The following PLA2G4A variants were observed in gnomAD, a reference collection of about 807,000 sequenced individuals.
PLA2G4A encodes cytosolic phospholipase A2.
A neutral mutation model predicts 81.9 loss-of-function variants in PLA2G4A; 40 were observed. The observed-to-expected ratio is 0.49, with a 90% confidence interval of 0.38 to 0.64. PLA2G4A has a LOEUF of 0.64. PLA2G4A is among the 30% of genes least tolerant of loss of function. PLA2G4A has a pLI of 0.00. For missense variants in PLA2G4A, 715 were observed against 905.1 expected, an observed-to-expected ratio of 0.79 and a Z score of 2.69; for synonymous variants, 302 against 296.9, an observed-to-expected ratio of 1.02 and a Z score of -0.18.
intron 14 of PLA2G4A, among the ~76,000 whole-genome samples, chr1:186,956,951 G>A (rs1216851931): frequency 1.3e-5 from 2 of 152,050 alleles, no homozygotes; most frequent in East Asian, 1.9e-4. Context: ...CACTTTGGGA[G>A]GCCGAGACTG....
chr1:186,883,438 A>G (rs1440563721), intron 3 of PLA2G4A, among the ~76,000 whole-genome samples: 2 of 152,132 alleles, frequency 1.3e-5, no homozygotes, highest in African/African-American at 2.4e-5. Context: ...TAACTAGACT[A>G]CACAATTAAT....
chr1:186,843,820 A>G (rs1652073425), intron 1 of PLA2G4A, among the ~76,000 whole-genome samples: 1 of 152,336 alleles, frequency 6.6e-6, no homozygotes, highest in Middle Eastern at 3.4e-3. Context: ...TCACGTTTTC[A>G]AATGTCAGAT....
chr1:186,917,891 A>G (rs1440129937), intron 7 of PLA2G4A, among the ~76,000 whole-genome samples: 1 of 152,204 alleles, frequency 6.6e-6, no homozygotes, highest in Non-Finnish European at 1.5e-5. Context: ...CATGTAATGC[A>G]CAGTTGTGCT....
intron 15 of PLA2G4A, among the ~76,000 whole-genome samples, chr1:186,973,163 C>G (rs776602599): frequency 6.6e-6 from 1 of 152,168 alleles, no homozygotes; most frequent in Non-Finnish European, 1.5e-5. Flanking sequence ...AATATATTCT[C>G]TCACAGTTTC....
At chr1:186,985,127 C>G (rs1657852398) in intron 17 of PLA2G4A, among the ~76,000 whole-genome samples, 2 of 152,134 alleles carry the variant, frequency 1.3e-5, no homozygotes, top group South Asian at 4.1e-4. Context: ...ATGTCTCTGA[C>G]GAATGCCACA....
intron 2 of PLA2G4A, among the ~76,000 whole-genome samples, chr1:186,859,279 G>A (rs747773749): frequency 2.6e-5 from 4 of 152,140 alleles, no homozygotes; most frequent in Non-Finnish European, 5.9e-5. Context: ...AAAACAGAGT[G>A]ACAAATACAT....
chr1:186,957,198 C>G (rs887865747), intron 14 of PLA2G4A, among the ~76,000 whole-genome samples: 4 of 152,118 alleles, frequency 2.6e-5, no homozygotes, highest in Non-Finnish European at 5.9e-5. Flanking sequence ...GTTAGATCTT[C>G]TCTGTACTGG....
chr1:186,943,082 A>G (rs1269662834), intron 10 of PLA2G4A, among the ~76,000 whole-genome samples: 1 of 152,190 alleles, frequency 6.6e-6, no homozygotes, highest in Non-Finnish European at 1.5e-5. Flanking sequence ...GGCTGTGTAG[A>G]AGAAAAAGTT....
At chr1:186,868,624 G>T (rs1344237998) in intron 2 of PLA2G4A, among the ~76,000 whole-genome samples, 1 of 152,134 alleles carries the variant, frequency 6.6e-6, no homozygotes, top group African/African-American at 2.4e-5. Flanking sequence ...TCTTAAACAT[G>T]TGGTAGAATT....
rs565030196 is a variant in PLA2G4A, at chr1:186,846,284, A to T, written c.-69-8002A>T. On this transcript the variant is annotated intron_variant, in intron 1 of 17. Coordinates refer to ENST00000367466, the MANE Select transcript of PLA2G4A (RefSeq NM_024420.3). The stretch of plus-strand genomic sequence containing the variant: ...GAATTGGACATGCAGCCACTGCCTG[A>T]CAATAATGGCTAGTGATTTTTATCC... Among the ~76,000 whole-genome samples the T allele has an allele frequency of 1.3e-3, 194 of 152,338 alleles. 2 individuals carry two copies. Among genetic ancestry groups the T allele is most frequent in the Middle Eastern group, 3.4e-3 (1 of 294 alleles).
chr1:186,942,372 G>GCCT (rs1206150925), intron 10 of PLA2G4A, among the ~76,000 whole-genome samples: 42 of 152,058 alleles, frequency 2.8e-4, no homozygotes, highest in African/African-American at 9.7e-4. Context: ...GAATTACATG[G>GCCT]TCAAAAGAAC....
At chr1:186,889,656 C>T (rs1219488443) in intron 3 of PLA2G4A, among the ~76,000 whole-genome samples, 1 of 151,872 alleles carries the variant, frequency 6.6e-6, no homozygotes, top group Non-Finnish European at 1.5e-5. Flanking sequence ...ATGACCATAG[C>T]TGTTGTTGAC....
rs35282734 is a variant in PLA2G4A at position 186,863,761 on chromosome 1, AT to A, written c.34-6658del. ...ATTTGTTTTTCTGTGCAAATATATA[AT>A]TTTTTTTTTTTTTTTGGGGACAGAG... On this transcript the variant is annotated intron_variant, in intron 2 of 17. Coordinates refer to ENST00000367466, the MANE Select transcript of PLA2G4A (RefSeq NM_024420.3). Among the ~76,000 whole-genome samples the A allele has an allele frequency of 5.4e-3, 419 of 78,226 alleles. 2 individuals are homozygous for A. The highest frequency in any genetic ancestry group is 0.016 in the African/African-American group (358 of 22,374). The allele number at this position is 78,226 out of a possible 152,430, so 51.3% of individuals were successfully genotyped here. A position where few individuals can be genotyped will look rare whatever the true frequency, so the allele number is the denominator to read the frequency against.
chr1:186,981,472 G>A (rs973505102), intron 17 of PLA2G4A, among the ~76,000 whole-genome samples: 1 of 152,146 alleles, frequency 6.6e-6, no homozygotes, highest in African/African-American at 2.4e-5. Flanking sequence ...CAGAACAACT[G>A]TCCCGACCTA....
chr1:186,847,948 G>C (rs1208884469), intron 1 of PLA2G4A, among the ~76,000 whole-genome samples: 1 of 152,114 alleles, frequency 6.6e-6, no homozygotes, highest in African/African-American at 2.4e-5. Flanking sequence ...TGCATTCTCA[G>C]GGTTTGTTGG....
intron 14 of PLA2G4A, among the ~76,000 whole-genome samples, chr1:186,959,143 T>A (rs1381061645): frequency 3.3e-5 from 5 of 152,030 alleles, no homozygotes; most frequent in Admixed American, 3.3e-4. Flanking sequence ...GTTTACTGAG[T>A]ACTTATAATG....
intron 17 of PLA2G4A, 137 bp from the exon 18 acceptor site, chr1:186,988,240 A>G: frequency 1.6e-6 from 1 of 616,738 alleles, no homozygotes. Flanking sequence ...ATGTGTATGC[A>G]TGACTCGTAG....
chr1:186,890,845 C>CT (rs560776346), intron 3 of PLA2G4A, among the ~76,000 whole-genome samples: 289 of 128,824 alleles, frequency 2.2e-3, no homozygotes, highest in Non-Finnish European at 3.7e-3. Flanking sequence ...GAGCAAGACT[C>CT]TGTCTCAAAA....
At chr1:186,897,212 G>A (rs1191821455) in intron 5 of PLA2G4A, among the ~76,000 whole-genome samples, 1 of 152,180 alleles carries the variant, frequency 6.6e-6, no homozygotes, top group Non-Finnish European at 1.5e-5. Flanking sequence ...AGTGATTTCT[G>A]TGTCTAGGAG....
Sources: allele counts gnomAD v4.1 joint callset (sites outside exome capture counted in the v4.1 genomes callset), GRCh38; gene constraint gnomAD v4.1.1; transcripts MANE v1.5; gene names NCBI Gene and HGNC (gene_info 2026-07-23, HGNC 2026-07-21).